USP9X: variants seen among roughly 807,000 people sequenced by gnomAD.
USP9X encodes the protein ubiquitin specific peptidase 9 X-linked.
USP9X carries 7 observed loss-of-function variants against 190.3 expected under a neutral mutation model. The ratio of observed to expected loss-of-function variants is 0.04; its 90% CI spans 0.02 to 0.07. The LOEUF (loss-of-function observed/expected upper bound fraction) is 0.07. USP9X is among the 10% of genes least tolerant of loss of function. The probability of loss-of-function intolerance (pLI) is 1.00; values close to 1 mark genes in which losing one functional copy is unlikely to be tolerated. For synonymous variants in USP9X, 645 were observed against 659.5 expected, an observed-to-expected ratio of 0.98 and a Z score of 0.34; for missense variants, 1,010 against 1,916.9, an observed-to-expected ratio of 0.53 and a Z score of 8.83.
chrX:41,096,871 C>G (rs1479626236), intron 1 of USP9X, among the ~76,000 whole-genome samples: 1 of 112,213 alleles, frequency 8.9e-6, no homozygotes, highest in Non-Finnish European at 1.9e-5. Context: ...TTTTTAAGTT[C>G]TTAAATTTTA....
chrX:41,232,548 A>G lies in USP9X; in HGVS notation c.*24A>G. On this transcript the variant is annotated 3_prime_UTR_variant, in exon 45 of 45. Coordinates refer to ENST00000378308, the MANE Select transcript of USP9X (RefSeq NM_001039591.3). ...GAAATGCACATAATTAACTGGTTCCATCAAGACTGTGCACCCAGGCCTTAC... is the reference window on the plus strand; with the variant it reads ...GAAATGCACATAATTAACTGGTTCCGTCAAGACTGTGCACCCAGGCCTTAC... 1 of 1,196,569 alleles carries G rather than the reference A, an allele frequency of 8.4e-7. No homozygotes were observed. The highest frequency in any genetic ancestry group is 1.9e-5 in the South Asian group (1 of 53,729).
intron 23 of USP9X, among the ~76,000 whole-genome samples, chrX:41,186,061 G>C (rs947723845): frequency 2.7e-5 from 3 of 110,931 alleles, no homozygotes; most frequent in Non-Finnish European, 5.7e-5. Flanking sequence ...GTAAAAACTA[G>C]GGTACCTTTC....
At chrX:41,210,435 C>T in intron 32 of USP9X, 74 bp from the exon 33 acceptor site, 2 of 1,070,058 alleles carry the variant, frequency 1.9e-6, no homozygotes, top group Admixed American at 2.8e-5. Flanking sequence ...CTTTTTTTTC[C>T]CCTGAAAAAT....
intron 1 of USP9X, among the ~76,000 whole-genome samples, chrX:41,101,112 T>C (rs2062030931): frequency 1.8e-5 from 2 of 112,092 alleles, no homozygotes; most frequent in Admixed American, 1.9e-4. Context: ...TTTTATATAC[T>C]ATATTTTAAA....
intron 38 of USP9X, among the ~76,000 whole-genome samples, chrX:41,219,642 G>C (rs1477876417): frequency 9.0e-6 from 1 of 111,065 alleles, no homozygotes; most frequent in Non-Finnish European, 1.9e-5. Context: ...CTGTACATAA[G>C]TTTTTGTTTA....
rs1481816925 is a variant in USP9X, at chrX:41,225,129, A to G, written c.7053A>G (p.Gln2351=). The G allele has an allele frequency of 8.3e-7, 1 of 1,210,707 alleles. No individual in the cohort carries two copies. The change falls in exon 41 of 45, where the codon CAA becomes CAG. Residue 2351 remains glutamine, a synonymous_variant. Transcript: ENST00000378308. Reference sequence around the variant, plus strand: ...TCTTACTGATTGAGGACTCCTGGCAAACTCACAGGTGGATACTCTTTTTGT... The same window carrying G: ...TCTTACTGATTGAGGACTCCTGGCAGACTCACAGGTGGATACTCTTTTTGT... ...LQILLIEDSW[Q]THRIHNALKG... is the part of the protein sequence containing the mutation.
intron 4 of USP9X, among the ~76,000 whole-genome samples, chrX:41,132,192 C>T (rs1452316088): frequency 3.6e-5 from 4 of 109,766 alleles, no homozygotes; most frequent in African/African-American, 1.0e-4. Context: ...TGGAGTGTGG[C>T]GATGTGATCA....
At chrX:41,204,580 T>G (rs746734543) in intron 31 of USP9X, among the ~76,000 whole-genome samples, 2 of 111,427 alleles carry the variant, frequency 1.8e-5, no homozygotes, top group Non-Finnish European at 3.8e-5. Context: ...GTACTAGTCA[T>G]GCACCACATA....
chrX:41,089,410 A>G (rs1193008568), intron 1 of USP9X, among the ~76,000 whole-genome samples: 1 of 111,900 alleles, frequency 8.9e-6, no homozygotes. Context: ...AGTTTTTAAG[A>G]CTATCAAGAT....
At chrX:41,219,064 T>G in intron 37 of USP9X, 38 bp from the exon 38 acceptor site, 3 of 1,189,728 alleles carry the variant, frequency 2.5e-6, no homozygotes. Flanking sequence ...TACATATACC[T>G]TGTTGCTGTA....
intron 21 of USP9X, among the ~76,000 whole-genome samples, chrX:41,177,298 A>G (rs1410971885): frequency 2.7e-5 from 3 of 112,347 alleles, no homozygotes; most frequent in Non-Finnish European, 5.6e-5. Context: ...TACATTGCAT[A>G]ATTATTCGGT....
At chrX:41,200,545 A>G (rs1202187679) in intron 30 of USP9X, among the ~76,000 whole-genome samples, 12 of 112,068 alleles carry the variant, frequency 1.1e-4, no homozygotes, top group Non-Finnish European at 2.3e-4. Context: ...TATTACATTT[A>G]CTAGGAAGAA....
At chrX:41,206,229 T>C (rs773973972) in intron 32 of USP9X, among the ~76,000 whole-genome samples, 19 of 112,054 alleles carry the variant, frequency 1.7e-4, no homozygotes, top group Non-Finnish European at 3.6e-4. Context: ...AAGCAAATCT[T>C]AGTTCCATCT....
In USP9X at chrX:41,233,222, C is replaced by T. The variant is rs2063376636; in HGVS notation, c.*698C>T. 8.9e-6 allele frequency: 1 copy of T among 112,071 alleles called. No individual in the cohort carries two copies. The highest frequency in any genetic ancestry group is 3.2e-5 in the African/African-American group (1 of 30,872). The allele number at this position is 112,071 out of a possible 1,213,427, so 9.2% of individuals were successfully genotyped here. ...AGTGTAGCCAATGAGGAAAAAGTTA[C>T]CATAATGACAGCAGTTGTCCGAGAA... On this transcript the variant is annotated 3_prime_UTR_variant, in exon 45 of 45. Coordinates refer to ENST00000378308, the MANE Select transcript of USP9X (RefSeq NM_001039591.3).
chrX:41,223,091 A>G (rs2063279483), intron 38 of USP9X, 126 bp from the exon 39 acceptor site: 7 of 682,536 alleles, frequency 1.0e-5, no homozygotes, highest in Admixed American at 4.1e-5. Context: ...TTTTCTGATC[A>G]TAAAAATTAT....
intron 9 of USP9X, among the ~76,000 whole-genome samples, chrX:41,142,126 G>C (rs1298931164): frequency 9.0e-6 from 1 of 110,952 alleles, no homozygotes; most frequent in African/African-American, 3.3e-5. Context: ...TGTGGAGACT[G>C]CTTAGATATT....
chrX:41,161,317 G>A (rs931028164), intron 14 of USP9X, among the ~76,000 whole-genome samples: 1 of 92,785 alleles, frequency 1.1e-5, no homozygotes, highest in African/African-American at 4.1e-5. Flanking sequence ...AAGAGTATAA[G>A]AGAATTCTTG....
Position 41,188,051 on chromosome X carries a change from A to G in USP9X, c.3744A>G (p.Ala1248=), listed in dbSNP as rs776607559. Residue 1248 remains alanine, a synonymous_variant, in exon 25 of 45, where the codon GCA becomes GCG. Transcript: ENST00000378308. ...VIRAIQKIIW[A]SGCGSLQLVF... Reference sequence around the variant, plus strand: ...GAGCTATACAAAAAATTATCTGGGCATCAGGATGTGGGTCGTTACAGCTAG... The same window carrying G: ...GAGCTATACAAAAAATTATCTGGGCGTCAGGATGTGGGTCGTTACAGCTAG... 9.1e-6 allele frequency: 11 copies of G among 1,207,793 alleles called. No homozygotes were observed. The highest frequency in any genetic ancestry group is 2.3e-4 in the Middle Eastern group (1 of 4,359).
At chrX:41,139,074 C>T (rs183048536) in intron 6 of USP9X, among the ~76,000 whole-genome samples, 2 of 112,441 alleles carry the variant, frequency 1.8e-5, no homozygotes, top group African/African-American at 6.5e-5. Context: ...TAGACTAATT[C>T]TTTACTGTGT....
Sources: gnomAD v4.1 joint callset for allele counts (sites outside exome capture counted in the v4.1 genomes callset) on GRCh38, gnomAD v4.1.1 for gene constraint, MANE v1.5 for transcripts, NCBI Gene and HGNC (gene_info 2026-07-23, HGNC 2026-07-21) for gene names.